The following THADA variants were observed in gnomAD, a reference collection of about 807,000 sequenced individuals.
THADA encodes the protein tRNA (32-2'-O)-methyltransferase regulator THADA.
Under a neutral mutation model 219.8 loss-of-function variants are expected in THADA, and 213 were observed. The ratio of observed to expected loss-of-function variants is 0.97; its 90% CI spans 0.87 to 1.09. The LOEUF is 1.09. THADA is among the 50% of genes least tolerant of loss of function. The probability of loss-of-function intolerance (pLI) is 0.00; values close to 1 mark genes in which losing one functional copy is unlikely to be tolerated. For synonymous variants in THADA, 1,018 were observed against 828.9 expected (o/e 1.23, Z -3.92); for missense variants, 2,956 against 2,311.3 (o/e 1.28, Z -5.72).
At chr2:43,497,672 G>A (rs1688435355) in intron 25 of THADA, among the ~76,000 whole-genome samples, 1 of 152,198 alleles carries the variant, frequency 6.6e-6, no homozygotes, top group South Asian at 2.1e-4. Flanking sequence ...AGATCACGAG[G>A]TCAGGAGTTC....
chr2:43,514,553 T>C (rs1303019293), intron 22 of THADA, among the ~76,000 whole-genome samples: 2 of 129,494 alleles, frequency 1.5e-5, no homozygotes, highest in East Asian at 2.1e-4. Context: ...TTATACACAA[T>C]ATAAATAATA....
At chr2:43,411,989 T>A (rs993749491) in intron 28 of THADA, among the ~76,000 whole-genome samples, 2 of 152,120 alleles carry the variant, frequency 1.3e-5, no homozygotes, top group Non-Finnish European at 2.9e-5. Context: ...AGTGTCCAGG[T>A]GATGAGATTT....
intron 28 of THADA, among the ~76,000 whole-genome samples, chr2:43,423,684 G>A (rs527871079): frequency 3.9e-5 from 6 of 152,114 alleles, no homozygotes; most frequent in South Asian, 4.2e-4. Context: ...CGCCCGCCTC[G>A]GCCTCTGAGA....
chr2:43,441,863 G>A (rs1454013079), intron 26 of THADA, among the ~76,000 whole-genome samples: 2 of 152,150 alleles, frequency 1.3e-5, no homozygotes, highest in Non-Finnish European at 2.9e-5. Flanking sequence ...AAACTGTAAT[G>A]TGATCGTATT....
chr2:43,304,254 C>T (rs1462567038), intron 31 of THADA, among the ~76,000 whole-genome samples: 4 of 152,098 alleles, frequency 2.6e-5, no homozygotes, highest in African/African-American at 7.2e-5. Context: ...AACATTTTCT[C>T]GGTCCCAGCA....
chr2:43,512,343 T>C (rs1037678524), intron 22 of THADA, among the ~76,000 whole-genome samples: 3 of 152,206 alleles, frequency 2.0e-5, no homozygotes, highest in Non-Finnish European at 4.4e-5. Flanking sequence ...TCTGATTCCC[T>C]TGCTTCTCAG....
chr2:43,399,057 G>C (rs1674453192), intron 28 of THADA, among the ~76,000 whole-genome samples: 1 of 152,180 alleles, frequency 6.6e-6, no homozygotes, highest in Non-Finnish European at 1.5e-5. Flanking sequence ...GAAACTTAAA[G>C]GCCATAACCA....
chr2:43,492,696 A>C (rs1687788953), intron 25 of THADA, among the ~76,000 whole-genome samples: 1 of 152,190 alleles, frequency 6.6e-6, no homozygotes, highest in Admixed American at 6.5e-5. Context: ...CCATGTGACC[A>C]TGAAAAGACA....
chr2:43,239,206 C>A (rs1049360014), intron 36 of THADA, among the ~76,000 whole-genome samples: 1 of 152,198 alleles, frequency 6.6e-6, no homozygotes, highest in East Asian at 1.9e-4. Flanking sequence ...CAAACCAGAG[C>A]CTTCAGGGCT....
At chr2:43,296,027 C>T (rs569705851) in intron 31 of THADA, among the ~76,000 whole-genome samples, 3 of 149,766 alleles carry the variant, frequency 2.0e-5, no homozygotes, top group African/African-American at 7.4e-5. Flanking sequence ...TCAAGTGATT[C>T]TCCTGCCTCA....
intron 30 of THADA, among the ~76,000 whole-genome samples, chr2:43,326,460 GA>G (rs1449075305): frequency 1.3e-5 from 2 of 152,220 alleles, no homozygotes; most frequent in Non-Finnish European, 2.9e-5. Context: ...TGGAATGGCA[GA>G]GGTGGGTTAT....
At chr2:43,255,277 A>G (rs989298265) in intron 36 of THADA, among the ~76,000 whole-genome samples, 9 of 152,160 alleles carry the variant, frequency 5.9e-5, no homozygotes, top group South Asian at 2.1e-4. Context: ...CAAGGTGCCT[A>G]TTTGCTCTGC....
intron 24 of THADA, among the ~76,000 whole-genome samples, chr2:43,504,852 C>A (rs1689458198): frequency 6.6e-6 from 1 of 152,160 alleles, no homozygotes; most frequent in Non-Finnish European, 1.5e-5. Flanking sequence ...CCACTGCACT[C>A]CAGCATGAGC....
chr2:43,502,932 C>A (rs973827381), intron 24 of THADA, among the ~76,000 whole-genome samples: 2 of 152,040 alleles, frequency 1.3e-5, no homozygotes, highest in Non-Finnish European at 2.9e-5. Flanking sequence ...TTTCAACAGA[C>A]AACTTTCATA....
chr2:43,581,091 C>A (rs989279530), intron 8 of THADA, among the ~76,000 whole-genome samples: 1 of 152,114 alleles, frequency 6.6e-6, no homozygotes, highest in African/African-American at 2.4e-5. Flanking sequence ...TATATAAATA[C>A]TTGTGTTAGG....
At chr2:43,302,695 T>C (rs1676404539) in intron 31 of THADA, among the ~76,000 whole-genome samples, 1 of 151,006 alleles carries the variant, frequency 6.6e-6, no homozygotes. Context: ...AAGTCTCTTA[T>C]GCCCCAAAAG....
chr2:43,357,239 GT>G (rs890129399), intron 29 of THADA, among the ~76,000 whole-genome samples: 1 of 151,818 alleles, frequency 6.6e-6, no homozygotes, highest in South Asian at 2.1e-4. Context: ...AACAATGAGG[GT>G]TTTTTTTAAC....
intron 22 of THADA, among the ~76,000 whole-genome samples, chr2:43,509,088 T>G (rs1271826230): frequency 6.6e-6 from 1 of 152,196 alleles, no homozygotes; most frequent in Admixed American, 6.5e-5. Context: ...CACAGATATT[T>G]CATACTATAC....
chr2:43,501,635 G>C (rs1300859535), intron 24 of THADA, among the ~76,000 whole-genome samples: 1 of 151,966 alleles, frequency 6.6e-6, no homozygotes, highest in African/African-American at 2.4e-5. Flanking sequence ...TTTTTATAAA[G>C]ACATAATAAT....
Sources: gnomAD v4.1 joint callset for allele counts (sites outside exome capture counted in the v4.1 genomes callset) on GRCh38, gnomAD v4.1.1 for gene constraint, MANE v1.5 for transcripts, NCBI Gene and HGNC (gene_info 2026-07-23, HGNC 2026-07-21) for gene names.